OLA1: variants seen among roughly 807,000 people sequenced by gnomAD.
The protein encoded by OLA1 is Obg like ATPase 1.
A neutral mutation model predicts 48.4 loss-of-function variants in OLA1; 14 were observed. That is an observed-to-expected ratio of 0.29 (90% CI 0.19 to 0.45). OLA1 has a LOEUF of 0.45. Ranked by LOEUF, OLA1 falls within the 20% of genes least tolerant of loss-of-function variation. OLA1 has a pLI of 1.00. For synonymous variants in OLA1, 127 were observed against 150.4 expected, an observed-to-expected ratio of 0.84 and a Z score of 1.14; for missense variants, 325 against 467.1, an observed-to-expected ratio of 0.70 and a Z score of 2.80.
intron 2 of OLA1, among the ~76,000 whole-genome samples, chr2:174,242,727 T>C (rs181621191): frequency 6.0e-4 from 91 of 152,314 alleles, no homozygotes; most frequent in African/African-American, 2.1e-3. Context: ...AGAAGAGCTA[T>C]CCCTCACAGA....
At chr2:174,247,843 T>G (rs1397272639) in intron 1 of OLA1, 1 of 1,512,416 alleles carries the variant, frequency 6.6e-7, no homozygotes, top group Non-Finnish European at 8.9e-7. Flanking sequence ...CCTTACTAGT[T>G]CTGTCTCCAA....
chr2:174,077,147 C>A (rs1033173816), intron 10 of OLA1, among the ~76,000 whole-genome samples: 1 of 152,080 alleles, frequency 6.6e-6, no homozygotes, highest in African/African-American at 2.4e-5. Flanking sequence ...ACACGTCTAA[C>A]CAGTTCATTT....
intron 7 of OLA1, among the ~76,000 whole-genome samples, chr2:174,105,719 T>C (rs1685499656): frequency 6.6e-6 from 1 of 152,044 alleles, no homozygotes; most frequent in South Asian, 2.1e-4. Context: ...CTGGTTATTC[T>C]ATACTAGAAG....
At chr2:174,243,702 G>A (rs1689061324) in intron 2 of OLA1, among the ~76,000 whole-genome samples, 1 of 152,062 alleles carries the variant, frequency 6.6e-6, no homozygotes, top group Non-Finnish European at 1.5e-5. Context: ...TATTAAATTA[G>A]ATAATATATA....
intron 7 of OLA1, among the ~76,000 whole-genome samples, chr2:174,109,579 G>A (rs1437222707): frequency 6.6e-6 from 1 of 152,116 alleles, no homozygotes; most frequent in Non-Finnish European, 1.5e-5. Flanking sequence ...GTTTGTCTTT[G>A]AATACGGGAA....
chr2:174,151,230 A>G (rs1458767226), intron 4 of OLA1, among the ~76,000 whole-genome samples: 2 of 152,222 alleles, frequency 1.3e-5, no homozygotes, highest in Non-Finnish European at 2.9e-5. Flanking sequence ...TCTACATACG[A>G]TCAGAAGAAC....
chr2:174,119,493 G>GT (rs916222593), intron 7 of OLA1, among the ~76,000 whole-genome samples: 2 of 151,994 alleles, frequency 1.3e-5, no homozygotes, highest in African/African-American at 4.8e-5. Flanking sequence ...ATAGAAAATT[G>GT]TGTGTCAAAA....
chr2:174,214,806 T>A (rs568328323), intron 4 of OLA1, among the ~76,000 whole-genome samples: 2 of 152,256 alleles, frequency 1.3e-5, no homozygotes, highest in South Asian at 4.1e-4. Flanking sequence ...TCCCAGCACT[T>A]TGGGAGGCCG....
intron 4 of OLA1, among the ~76,000 whole-genome samples, chr2:174,156,536 T>G (rs1686881934): frequency 6.6e-6 from 1 of 151,956 alleles, no homozygotes; most frequent in African/African-American, 2.4e-5. Flanking sequence ...CAGAGACGTA[T>G]TCTTGTGATC....
chr2:174,113,066 G>A (rs761323417), intron 7 of OLA1, among the ~76,000 whole-genome samples: 7 of 151,948 alleles, frequency 4.6e-5, no homozygotes, highest in Non-Finnish European at 1.0e-4. Context: ...TCAGCCTCCC[G>A]AGTAGCTGGG....
chr2:174,141,224 G>A (rs1247405838), intron 5 of OLA1, among the ~76,000 whole-genome samples: 1 of 152,236 alleles, frequency 6.6e-6, no homozygotes, highest in African/African-American at 2.4e-5. Context: ...GAGCCACCAC[G>A]CCTGGCCAGG....
In OLA1 at chr2:174,072,915, T is replaced by A. The variant is rs1023364182; in HGVS notation, c.*2511A>T. 4 of 152,218 alleles carry A rather than the reference T, an allele frequency of 2.6e-5. No individual in the cohort carries two copies. Among genetic ancestry groups the A allele is most frequent in the African/African-American group, 9.6e-5 (4 of 41,452 alleles). 9.4% of individuals were successfully genotyped at this position (152,218 alleles called of 1,614,324 possible). On this transcript the variant is annotated 3_prime_UTR_variant, in exon 11 of 11. Transcript: ENST00000284719. Reference sequence around the variant, plus strand: ...ATATGCAAAATGCATGTTATGAAGATAACATGATAAAACACAACTAAATGC... The same window carrying A: ...ATATGCAAAATGCATGTTATGAAGAAAACATGATAAAACACAACTAAATGC...
At chr2:174,114,368 A>AAAAAAAAAAAAAT (rs1685731731) in intron 7 of OLA1, among the ~76,000 whole-genome samples, 1 of 146,896 alleles carries the variant, frequency 6.8e-6, no homozygotes, top group African/African-American at 2.5e-5. Flanking sequence ...AAAAAAAAAA[A>AAAAAAAAAAAAAT]AAAAAGCTAA....
intron 7 of OLA1, among the ~76,000 whole-genome samples, chr2:174,109,540 T>C (rs1685598825): frequency 6.6e-6 from 1 of 152,238 alleles, no homozygotes; most frequent in Non-Finnish European, 1.5e-5. Context: ...TTACAAGTAC[T>C]AATTTCAAGA....
At chr2:174,117,404 A>C (rs1051449221) in intron 7 of OLA1, among the ~76,000 whole-genome samples, 1 of 152,216 alleles carries the variant, frequency 6.6e-6, no homozygotes, top group Non-Finnish European at 1.5e-5. Flanking sequence ...TGTATTTCAA[A>C]TTCTAAAGTA....
intron 4 of OLA1, among the ~76,000 whole-genome samples, chr2:174,220,041 A>G (rs1049026286): frequency 2.6e-5 from 4 of 152,148 alleles, no homozygotes; most frequent in African/African-American, 9.7e-5. Flanking sequence ...TTGAGGCACG[A>G]GAATTGCTAG....
At chr2:174,099,522 C>G (rs954059692) in intron 7 of OLA1, among the ~76,000 whole-genome samples, 4 of 152,062 alleles carry the variant, frequency 2.6e-5, no homozygotes, top group African/African-American at 9.7e-5. Flanking sequence ...GTTACTTGGC[C>G]CTGTGTATGA....
chr2:174,094,401 G>T (rs547595629), intron 7 of OLA1, among the ~76,000 whole-genome samples: 2 of 152,160 alleles, frequency 1.3e-5, no homozygotes, highest in South Asian at 2.1e-4. Context: ...TCAAAATCCC[G>T]GATTTTTTCC....
intron 3 of OLA1, among the ~76,000 whole-genome samples, chr2:174,223,765 C>CAAAAAAAAAAA (rs71021680): frequency 2.7e-5 from 2 of 73,342 alleles, no homozygotes; most frequent in Admixed American, 1.6e-4. Flanking sequence ...GTTATATAGA[C>CAAAAAAAAAAA]AAAAAAAAAA....
Sources: allele counts gnomAD v4.1 joint callset (sites outside exome capture counted in the v4.1 genomes callset), GRCh38; gene constraint gnomAD v4.1.1; transcripts MANE v1.5; gene names NCBI Gene and HGNC (gene_info 2026-07-23, HGNC 2026-07-21).